RBFOX2: variants seen among roughly 807,000 people sequenced by gnomAD.
RBFOX2 encodes RNA binding protein fox-1 homolog 2.
A neutral mutation model predicts 49.1 loss-of-function variants in RBFOX2; 10 were observed. That is an observed-to-expected ratio of 0.20 (90% CI 0.13 to 0.35). The LOEUF (loss-of-function observed/expected upper bound fraction) is 0.35, where lower values mean the gene tolerates loss of function less well. Ranked by LOEUF, RBFOX2 falls within the 10% of genes least tolerant of loss-of-function variation. The pLI is 1.00. For synonymous variants in RBFOX2, 183 were observed against 187.4 expected, an observed-to-expected ratio of 0.98 and a Z score of 0.19; for missense variants, 323 against 486.9, an observed-to-expected ratio of 0.66 and a Z score of 3.17.
At chr22:35,946,184 A>G (rs1696015174) in intron 1 of RBFOX2, among the ~76,000 whole-genome samples, 1 of 152,206 alleles carries the variant, frequency 6.6e-6, no homozygotes, top group Non-Finnish European at 1.5e-5. Flanking sequence ...GCTGAGACTT[A>G]GAGAAGTGCC....
intron 1 of RBFOX2, among the ~76,000 whole-genome samples, chr22:35,870,602 T>C (rs2044251923): frequency 6.6e-6 from 1 of 152,196 alleles, no homozygotes; most frequent in African/African-American, 2.4e-5. Flanking sequence ...GCAGACAATA[T>C]AGATTTGGCT....
intron 6 of RBFOX2, among the ~76,000 whole-genome samples, 155 bp downstream of exon 7, chr22:35,765,268 A>C (rs1286938650): frequency 6.6e-6 from 1 of 151,956 alleles, no homozygotes; most frequent in Non-Finnish European, 1.5e-5. Context: ...TGACAAAGTT[A>C]TTCTGTAAAA....
At chr22:35,878,056 A>G (rs1378807495) in intron 1 of RBFOX2, among the ~76,000 whole-genome samples, 2 of 151,318 alleles carry the variant, frequency 1.3e-5, no homozygotes, top group African/African-American at 4.9e-5. Flanking sequence ...ACACACACAC[A>G]CACACACACA....
At chr22:35,924,826 T>C (rs2051433133) in intron 1 of RBFOX2, among the ~76,000 whole-genome samples, 1 of 152,204 alleles carries the variant, frequency 6.6e-6, no homozygotes, top group African/African-American at 2.4e-5. Context: ...ATTCTGTGTG[T>C]TGGTCAAACC....
rs6000011 is a variant in RBFOX2, at chr22:35,830,543, G to C, written c.27+9649C>G. On this transcript the variant is annotated intron_variant, in intron 1 of 11. Transcript: ENST00000405409. ...CACACAGTGTACTTACACAAATTTA[G>C]ATGGTATTGCCTACTACACACCTAG... Among the ~76,000 whole-genome samples the C allele has an allele frequency of 1.1e-4, 17 of 152,310 alleles. 1 individual carries two copies. The highest frequency in any genetic ancestry group is 4.1e-4 in the African/African-American group (17 of 41,566).
intron 1 of RBFOX2, chr22:35,995,193 T>G (rs1390473281): frequency 6.6e-6 from 1 of 152,230 alleles, no homozygotes; most frequent in Non-Finnish European, 1.5e-5. Context: ...TCTACCTTTT[T>G]ACGTGATATT....
At chr22:35,981,112 C>A (rs777054938) in intron 1 of RBFOX2, among the ~76,000 whole-genome samples, 1 of 152,044 alleles carries the variant, frequency 6.6e-6, no homozygotes, top group African/African-American at 2.4e-5. Flanking sequence ...ACCAAAACAA[C>A]GTTATGGTAG....
intron 1 of RBFOX2, chr22:35,822,974 C>G (rs751145258): frequency 3.1e-6 from 1 of 319,352 alleles, no homozygotes; most frequent in Non-Finnish European, 6.0e-6. Flanking sequence ...TAGGCACCTG[C>G]CACCACGCCT....
At chr22:35,960,020 A>T (rs530702237) in intron 1 of RBFOX2, among the ~76,000 whole-genome samples, 2 of 151,778 alleles carry the variant, frequency 1.3e-5, no homozygotes, top group Non-Finnish European at 2.9e-5. Flanking sequence ...TTGCATTGTT[A>T]TTTTTTTTCT....
At chr22:35,953,175 C>T (rs376258599) in intron 1 of RBFOX2, among the ~76,000 whole-genome samples, 1 of 139,706 alleles carries the variant, frequency 7.2e-6, no homozygotes, top group South Asian at 2.4e-4. Flanking sequence ...CACACCACTG[C>T]GCTCCAGCCT....
intron 1 of RBFOX2, among the ~76,000 whole-genome samples, chr22:36,010,732 TACACACACACACACACACACACACACAC>T (rs34495987): frequency 7.3e-6 from 1 of 136,968 alleles, no homozygotes; most frequent in African/African-American, 2.7e-5. Context: ...TACTGTTCAG[TACACACACACACACACACACACACACAC>T]ACACACACAC....
intron 4 of RBFOX2, among the ~76,000 whole-genome samples, chr22:35,773,864 C>A (rs1204414926): frequency 1.3e-5 from 2 of 152,022 alleles, no homozygotes; most frequent in Non-Finnish European, 2.9e-5. Flanking sequence ...GTCTGACCCA[C>A]AATGGAATAA....
chr22:35,960,893 T>C (rs1603458799), intron 1 of RBFOX2, among the ~76,000 whole-genome samples: 1 of 152,208 alleles, frequency 6.6e-6, no homozygotes, highest in Admixed American at 6.5e-5. Context: ...AATGGTTGTA[T>C]CACCAACCAA....
upstream of RBFOX2, among the ~76,000 whole-genome samples, chr22:35,844,645 C>G (rs1158280662): frequency 6.6e-6 from 1 of 151,716 alleles, no homozygotes; most frequent in African/African-American, 2.4e-5. Context: ...CAGGCACACA[C>G]CACCATGCCC....
At chr22:35,816,065 C>T (rs80242535) in intron 1 of RBFOX2, among the ~76,000 whole-genome samples, 236 of 151,970 alleles carry the variant, frequency 1.6e-3, no homozygotes, top group African/African-American at 4.8e-3. Flanking sequence ...ATCTAGGATC[C>T]GTTTTTTTAA....
chr22:35,948,485 C>A (rs1194053273), intron 1 of RBFOX2, among the ~76,000 whole-genome samples: 7 of 152,048 alleles, frequency 4.6e-5, no homozygotes, highest in East Asian at 1.9e-4. Context: ...GAGGTCGAGA[C>A]CAGCCTGGGC....
At chr22:35,988,341 A>T (rs1326180296) in intron 1 of RBFOX2, among the ~76,000 whole-genome samples, 1 of 152,236 alleles carries the variant, frequency 6.6e-6, no homozygotes, top group Non-Finnish European at 1.5e-5. Flanking sequence ...CTGGGAATTT[A>T]AAAAGAAAAA....
intron 4 of RBFOX2, among the ~76,000 whole-genome samples, chr22:35,776,304 T>C (rs1489859122): frequency 6.6e-6 from 1 of 152,236 alleles, no homozygotes; most frequent in Non-Finnish European, 1.5e-5. Flanking sequence ...TGAATAGACT[T>C]CACTTTAAAA....
At position 35,980,897 on chromosome 22, in the gene RBFOX2, C is replaced by T. The variant is rs142261456; in HGVS notation, c.187-42000G>A. 8.3e-4 allele frequency among the ~76,000 whole-genome samples: 127 copies of T among 152,208 alleles called. 1 individual carries two copies. The highest frequency in any genetic ancestry group is 2.9e-3 in the African/African-American group (122 of 41,516). On this transcript the variant is annotated intron_variant, in intron 1 of 13. Coordinates refer to the RBFOX2 transcript ENST00000438146. ...ATTTGGCTGAGATCTAAGGAGCAAC[C>T]TGACTTTGCACGCTTATGTATTTAT...
Sources: allele counts gnomAD v4.1 joint callset (sites outside exome capture counted in the v4.1 genomes callset), GRCh38; gene constraint gnomAD v4.1.1; transcripts MANE v1.5; gene names NCBI Gene and HGNC (gene_info 2026-07-23, HGNC 2026-07-21).